Variants in ZNF548 observed in about 807,000 individuals in gnomAD.
The protein encoded by ZNF548 is zinc finger protein 548.
A neutral mutation model predicts 10.2 loss-of-function variants in ZNF548; 10 were observed. That is an observed-to-expected ratio of 0.98 (90% CI 0.60 to 1.66). The LOEUF is 1.66. Ranked by LOEUF, ZNF548 falls within the 40% of genes most tolerant of loss-of-function variation. ZNF548 has a pLI of 0.00. For missense variants in ZNF548, 599 were observed against 657.0 expected (o/e 0.91, Z 0.97); for synonymous variants, 217 against 223.5 (o/e 0.97, Z 0.26).
Position 57,398,764 on chromosome 19 carries a change from G to C in ZNF548, c.513G>C (p.Trp171Cys). The C allele has an allele frequency of 6.2e-7, 1 of 1,614,048 alleles. No individual in the cohort carries two copies. The highest frequency in any genetic ancestry group is 8.5e-7 in the Non-Finnish European group (1 of 1,179,908). ...AGATCTTCACATGCATGGAGGGCTG[G>C]AAGGACTTACCAGCCACCTCATGCC... ...AEEIFTCMEG[W>C]KDLPATSCLL... The change falls in exon 4 of 4, where the codon TGG becomes TGC. Residue 171 changes from tryptophan (W) to cysteine (C), a missense_variant. Transcript: ENST00000336128.
chr19:57,393,158 T>TGGAG (rs2088638915), intron 1 of ZNF548, among the ~76,000 whole-genome samples: 1 of 152,048 alleles, frequency 6.6e-6, no homozygotes, highest in Non-Finnish European at 1.5e-5. Context: ...CCAGCCAAGG[T>TGGAG]CTCCTGGCAA....
At chr19:57,392,394 T>C (rs1437289112) in intron 1 of ZNF548, among the ~76,000 whole-genome samples, 1 of 152,192 alleles carries the variant, frequency 6.6e-6, no homozygotes, top group East Asian at 1.9e-4. Flanking sequence ...TTCCCTGAGT[T>C]TTCCTTTAGT....
intron 1 of ZNF548, chr19:57,390,901 G>A (rs1266242027): frequency 6.6e-6 from 1 of 152,274 alleles, no homozygotes; most frequent in Non-Finnish European, 1.5e-5. Context: ...TGGAGGGCTT[G>A]GACTGGGCCA....
chr19:57,397,541 T>G (rs1199908839), intron 3 of ZNF548, among the ~76,000 whole-genome samples: 1 of 152,148 alleles, frequency 6.6e-6, no homozygotes, highest in African/African-American at 2.4e-5. Flanking sequence ...GTGCTTGGAA[T>G]TTCAGGCACT....
intron 1 of ZNF548, 140 bp from the exon 2 acceptor site, chr19:57,394,048 C>T (rs1050547371): frequency 7.0e-6 from 6 of 860,198 alleles, no homozygotes; most frequent in African/African-American, 6.8e-5. Flanking sequence ...CACAGAGCTG[C>T]AGCACTGAGG....
chr19:57,391,297 C>CTTTTTTTTTTTT (rs35713836), intron 1 of ZNF548, among the ~76,000 whole-genome samples: 1 of 140,614 alleles, frequency 7.1e-6, no homozygotes, highest in Non-Finnish European at 1.5e-5. Flanking sequence ...TAGTTTCATG[C>CTTTTTTTTTTTT]TTTTTTTTTT....
In ZNF548 at chr19:57,390,095, T is replaced by A; in HGVS notation, c.-5T>A. The A allele has an allele frequency of 2.5e-6, 4 of 1,609,164 alleles. No individual in the cohort carries two copies. Among genetic ancestry groups the A allele is most frequent in the Non-Finnish European group, 2.5e-6 (3 of 1,179,482 alleles). Reference sequence around the variant, plus strand: ...TCCCTGGCTGGGCTGGCGGAGGCCTTGCTGATGAACCTGACTGAGGTGGGT... The same window carrying A: ...TCCCTGGCTGGGCTGGCGGAGGCCTAGCTGATGAACCTGACTGAGGTGGGT... On this transcript the variant is annotated 5_prime_UTR_variant, in exon 1 of 4. Transcript: ENST00000336128.
chr19:57,396,025 G>C (rs1050288817), intron 2 of ZNF548, among the ~76,000 whole-genome samples: 2 of 152,224 alleles, frequency 1.3e-5, no homozygotes, highest in Non-Finnish European at 2.9e-5. Context: ...GATGCTGAGC[G>C]TATTTGCCGT....
In ZNF548 at chr19:57,402,495, C is replaced by A. The variant is rs1258049026; in HGVS notation, c.*2606C>A. The A allele has an allele frequency of 6.6e-6, 1 of 152,152 alleles. No individual in the cohort carries two copies. Among genetic ancestry groups the A allele is most frequent in the African/African-American group, 2.4e-5 (1 of 41,424 alleles). 9.4% of individuals were successfully genotyped at this position (152,152 alleles called of 1,614,324 possible). ...GATGCAACCCTCTGTGGGACCCTAC[C>A]CAAGTTCTCTCATTCTTAGCTATAG... On this transcript the variant is annotated 3_prime_UTR_variant, in exon 4 of 4. Coordinates refer to ENST00000336128, the MANE Select transcript of ZNF548 (RefSeq NM_001172773.2).
intron 1 of ZNF548, 49 bp from the exon 2 acceptor site, chr19:57,394,139 A>G (rs1242258591): frequency 6.3e-7 from 1 of 1,583,690 alleles, no homozygotes; most frequent in East Asian, 2.2e-5. Flanking sequence ...CTCAGCCTGA[A>G]GGATCCTTCC....
At position 57,397,158 on chromosome 19, in the gene ZNF548, C is replaced by T. The variant is rs1769946409; in HGVS notation, c.162C>T (p.Ala54=). The change falls in exon 3 of 4, where the codon GCC becomes GCT. Residue 54 remains alanine, a synonymous_variant. Coordinates refer to ENST00000336128, the MANE Select transcript of ZNF548 (RefSeq NM_001172773.2). ...GTGATGTGATGCTGGAGAATTTGGCCCTTTTGTCCTCACTAGGTAAGGCCC... is the reference window on the plus strand; with the variant it reads ...GTGATGTGATGCTGGAGAATTTGGCTCTTTTGTCCTCACTAGGTAAGGCCC... The part of the protein sequence containing the change: ...LYRDVMLENL[A]LLSSLGSWHG... 1 of 1,609,208 alleles carries T rather than the reference C, an allele frequency of 6.2e-7. No homozygotes were observed. Among genetic ancestry groups the T allele is most frequent in the African/African-American group, 1.3e-5 (1 of 74,724 alleles).
chr19:57,397,466 C>G lies in ZNF548; in HGVS notation c.178+292C>G, dbSNP rs1600087127. On this transcript the variant is annotated intron_variant, in intron 3 of 3. Transcript: ENST00000336128. ...TCTGTCCCTGGTCAGGTTACTCTGTCCAAACACATGAGACCTGTGTTCTGT... is the reference window on the plus strand; with the variant it reads ...TCTGTCCCTGGTCAGGTTACTCTGTGCAAACACATGAGACCTGTGTTCTGT... 3 of 419,036 alleles carry G rather than the reference C, an allele frequency of 7.2e-6. No homozygotes were observed. In the East Asian group the frequency reaches 1.0e-4, roughly 15 times the overall value. 26.0% of individuals were successfully genotyped at this position (419,036 alleles called of 1,614,324 possible).
Position 57,390,180 on chromosome 19 carries a change from G to A in ZNF548, c.15+66G>A. 4 of 1,568,504 alleles carry A rather than the reference G, an allele frequency of 2.6e-6. No homozygotes were observed. In the East Asian group the frequency reaches 6.7e-5, roughly 26 times the overall value. Reference sequence around the variant, plus strand: ...CCCAGTGCTGAAGCCCCCTGAAGGGGCCCTGCAGGTCAGGCCCCTTGTCCC... The same window carrying A: ...CCCAGTGCTGAAGCCCCCTGAAGGGACCCTGCAGGTCAGGCCCCTTGTCCC... On this transcript the variant is annotated intron_variant, in intron 1 of 3. Transcript: ENST00000336128.
rs2088659319 is a variant in ZNF548, at chr19:57,395,616, C to T, written c.51+1393C>T. ...CAAACACTTTTAAACAACCAGATCT[C>T]GTGAGAACTTACTATTATGAGAAAG... On this transcript the variant is annotated intron_variant, in intron 2 of 3. Transcript: ENST00000336128. The surrounding 1 kb of genome is among the most constrained non-coding windows in gnomAD (Gnocchi z 4.8). Among the ~76,000 whole-genome samples, 2 of 152,068 alleles carry T rather than the reference C, an allele frequency of 1.3e-5. No homozygotes were observed. The highest frequency in any genetic ancestry group is 1.3e-4 in the Admixed American group (2 of 15,260).
rs761576701 is a variant in ZNF548, at chr19:57,398,966, T to G, written c.715T>G (p.Cys239Gly). 8.7e-6 allele frequency: 14 copies of G among 1,614,076 alleles called. No individual in the cohort carries two copies. The highest frequency in any genetic ancestry group is 1.2e-5 in the Non-Finnish European group (14 of 1,179,924). The change falls in exon 4 of 4, where the codon TGT becomes GGT. Residue 239 changes from cysteine (C) to glycine (G), a missense_variant. Coordinates refer to ENST00000336128, the MANE Select transcript of ZNF548 (RefSeq NM_001172773.2). The part of the protein sequence containing the change: ...KIHTGERSYE[C>G]NKCGKFFKYS... ...CCACACAGGAGAAAGGTCTTATGAATGTAACAAATGTGGGAAATTCTTTAA... is the reference window on the plus strand; with the variant it reads ...CCACACAGGAGAAAGGTCTTATGAAGGTAACAAATGTGGGAAATTCTTTAA...
intron 1 of ZNF548, 128 bp from the exon 2 acceptor site, chr19:57,394,060 C>A: frequency 9.9e-7 from 1 of 1,007,034 alleles, no homozygotes; most frequent in Non-Finnish European, 1.5e-6. Context: ...GCACTGAGGC[C>A]TGAGGAACTT....
In ZNF548 at chr19:57,399,807, C is replaced by A; in HGVS notation, c.1556C>A (p.Ser519Tyr). Residue 519 changes from serine to tyrosine, a missense_variant, in exon 4 of 4, where the codon TCC (serine) becomes TAC (tyrosine). Ser to Tyr is a moderately radical substitution (Grantham distance 144). Transcript: ENST00000336128. The surrounding 1 kb of genome is among the most constrained non-coding windows in gnomAD (Gnocchi z 4.0). ...CACAGTGAAGAGAGGCTTGTGTGCT[C>A]CATGAATGTGGGGAATTCTTTAGCT... ...KIHSEERLVCSMNVGNSLAKT... is the reference protein window; with the variant it reads ...KIHSEERLVCYMNVGNSLAKT... 1 of 1,613,924 alleles carries A rather than the reference C, an allele frequency of 6.2e-7. No homozygotes were observed. The highest frequency in any genetic ancestry group is 1.1e-5 in the South Asian group (1 of 91,078).
intron 1 of ZNF548, among the ~76,000 whole-genome samples, chr19:57,393,117 A>G (rs568998218): frequency 1.3e-5 from 2 of 152,184 alleles, no homozygotes; most frequent in African/African-American, 4.8e-5. Context: ...CCTTCTCTAC[A>G]TGTCAGGGCT....
At chr19:57,393,831 A>G (rs895653166) in intron 1 of ZNF548, among the ~76,000 whole-genome samples, 7 of 152,096 alleles carry the variant, frequency 4.6e-5, no homozygotes, top group Admixed American at 3.3e-4. Context: ...AGCTAAAAAC[A>G]TACATGAAAA....
Sources: allele counts gnomAD v4.1 joint callset (sites outside exome capture counted in the v4.1 genomes callset), GRCh38; gene constraint gnomAD v4.1.1; non-coding constraint Gnocchi (gnomAD v3.1); transcripts MANE v1.5; gene names NCBI Gene and HGNC (gene_info 2026-07-23, HGNC 2026-07-21).